The following PCDHA12 variants were observed in gnomAD, a reference collection of about 807,000 sequenced individuals.
PCDHA12 encodes protocadherin alpha-12.
In PCDHA12, 44 loss-of-function variants were observed where a neutral mutation model predicts 60.0. That is an observed-to-expected ratio of 0.73 (90% CI 0.58 to 0.94). PCDHA12 has a LOEUF of 0.94. Among genes scored for constraint, PCDHA12 ranks in the 40% least tolerant of loss-of-function variants. PCDHA12 has a pLI of 0.00. For missense variants in PCDHA12, 1,276 were observed against 1,239.7 expected, an observed-to-expected ratio of 1.03 and a Z score of -0.44; for synonymous variants, 569 against 553.0, an observed-to-expected ratio of 1.03 and a Z score of -0.40.
At chr5:140,892,980 G>T (rs568292110) in intron 1 of PCDHA12, among the ~76,000 whole-genome samples, 192 of 152,148 alleles carry the variant, frequency 1.3e-3, no homozygotes, top group African/African-American at 4.5e-3. Flanking sequence ...TGTAGCTGCC[G>T]TATAAGTGAG....
At chr5:140,986,583 T>C (rs1265983211) in intron 3 of PCDHA12, among the ~76,000 whole-genome samples, 1 of 152,170 alleles carries the variant, frequency 6.6e-6, no homozygotes, top group African/African-American at 2.4e-5. Flanking sequence ...TTTTTCCAGC[T>C]CCTCTTTCTA....
chr5:140,957,322 A>G (rs1356606026), intron 1 of PCDHA12, among the ~76,000 whole-genome samples: 4 of 152,202 alleles, frequency 2.6e-5, no homozygotes, highest in Admixed American at 2.0e-4. Context: ...AGGTGAGCAC[A>G]GTACAGTAAG....
intron 1 of PCDHA12, among the ~76,000 whole-genome samples, chr5:140,926,178 GC>G (rs1221259064): frequency 6.6e-6 from 1 of 151,700 alleles, no homozygotes; most frequent in South Asian, 2.2e-4. Flanking sequence ...AGCGCGGAAA[GC>G]CCCCCGCAGC....
intron 3 of PCDHA12, among the ~76,000 whole-genome samples, chr5:141,007,362 G>A (rs1554261189): frequency 6.8e-6 from 1 of 146,590 alleles, no homozygotes; most frequent in Non-Finnish European, 1.5e-5. Context: ...ACCAGCCTGG[G>A]CAACATGATG....
chr5:140,882,918 G>A (rs1554176085), intron 1 of PCDHA12: 1 of 1,614,186 alleles, frequency 6.2e-7, no homozygotes, highest in South Asian at 1.1e-5. Context: ...GCCAGTGATG[G>A]AGGTAAACCC....
At chr5:140,983,228 A>T (rs1012242202) in intron 3 of PCDHA12, among the ~76,000 whole-genome samples, 4 of 152,240 alleles carry the variant, frequency 2.6e-5, no homozygotes, top group Non-Finnish European at 4.4e-5. Context: ...CCAAACTTTC[A>T]GGAAAGAGAA....
chr5:141,001,286 A>G (rs1375093882), intron 3 of PCDHA12, among the ~76,000 whole-genome samples: 1 of 152,160 alleles, frequency 6.6e-6, no homozygotes, highest in Non-Finnish European at 1.5e-5. Context: ...TACGGATGAA[A>G]ACTGAGGCCC....
Position 141,012,065 on chromosome 5 carries a change from T to G in PCDHA12, c.*2128T>G, listed in dbSNP as rs2098422876. The G allele has an allele frequency of 6.5e-6, 1 of 153,794 alleles. No individual in the cohort carries two copies. Among genetic ancestry groups the G allele is most frequent in the Non-Finnish European group, 1.5e-5 (1 of 68,044 alleles). The allele number at this position is 153,794 out of a possible 1,614,324, so 9.5% of individuals were successfully genotyped here. A position where few individuals can be genotyped will look rare whatever the true frequency, so the allele number is the denominator to read the frequency against. ...GGGTAAAACTTGTTACCAACACATGTGAACCATTGCTACATTGTAGGTTGT... is the reference window on the plus strand; with the variant it reads ...GGGTAAAACTTGTTACCAACACATGGGAACCATTGCTACATTGTAGGTTGT... On this transcript the variant is annotated 3_prime_UTR_variant, in exon 4 of 4. Transcript: ENST00000398631.
At chr5:140,910,874 A>T (rs1285814930) in intron 1 of PCDHA12, among the ~76,000 whole-genome samples, 2 of 151,996 alleles carry the variant, frequency 1.3e-5, no homozygotes, top group African/African-American at 4.8e-5. Flanking sequence ...ATTATCCCAC[A>T]CCCTTAATAT....
At chr5:140,913,808 A>T (rs1332519291) in intron 1 of PCDHA12, among the ~76,000 whole-genome samples, 1 of 152,102 alleles carries the variant, frequency 6.6e-6, no homozygotes, top group Non-Finnish European at 1.5e-5. Context: ...TCAAATTTTC[A>T]ATTTCCTTTT....
intron 1 of PCDHA12, among the ~76,000 whole-genome samples, chr5:140,969,939 G>A (rs188120855): frequency 4.6e-5 from 7 of 152,340 alleles, no homozygotes; most frequent in Admixed American, 2.6e-4. Context: ...ACATCATACT[G>A]AAGCTAAAGT....
In PCDHA12 at chr5:141,010,350, G is replaced by A; in HGVS notation, c.*413G>A. The A allele has an allele frequency of 6.6e-7, 1 of 1,515,722 alleles. No individual in the cohort carries two copies. Among genetic ancestry groups the A allele is most frequent in the Non-Finnish European group, 8.8e-7 (1 of 1,132,152 alleles). The allele number at this position is 1,515,722 out of a possible 1,614,324, so 93.9% of individuals were successfully genotyped here. A position where few individuals can be genotyped will look rare whatever the true frequency, so the allele number is the denominator to read the frequency against. ...GGGAGTTTGTGGCCACTGGGTATGT[G>A]TGGCTACCGCGGGTATGCGAGTGCC... is the stretch of plus-strand genomic sequence containing the variant. On this transcript the variant is annotated 3_prime_UTR_variant, in exon 4 of 4. Transcript: ENST00000398631.
chr5:140,877,908 T>G (rs1554170220), intron 1 of PCDHA12, 69 bp downstream of exon 1: 2 of 1,433,428 alleles, frequency 1.4e-6, no homozygotes, highest in East Asian at 2.5e-5. Context: ...ATAACTACAT[T>G]CTCTCATTTT....
intron 3 of PCDHA12, among the ~76,000 whole-genome samples, chr5:141,007,925 G>T (rs2098351885): frequency 1.3e-5 from 2 of 152,138 alleles, no homozygotes; most frequent in South Asian, 4.2e-4. Context: ...ATATAAGCTG[G>T]AATTCTAAGC....
intron 1 of PCDHA12, among the ~76,000 whole-genome samples, chr5:140,914,914 G>A (rs2076876381): frequency 7.0e-6 from 1 of 143,682 alleles, no homozygotes; most frequent in African/African-American, 2.6e-5. Context: ...GTTTCTCTGT[G>A]TCTTATTGTA....
chr5:140,946,516 C>G (rs551838143), intron 1 of PCDHA12, among the ~76,000 whole-genome samples: 1 of 151,020 alleles, frequency 6.6e-6, no homozygotes, highest in Non-Finnish European at 1.5e-5. Context: ...AAGACCTATC[C>G]GCACTCCCAT....
chr5:140,902,846 A>C (rs1119032), intron 1 of PCDHA12, among the ~76,000 whole-genome samples: 2 of 152,088 alleles, frequency 1.3e-5, no homozygotes, highest in African/African-American at 2.4e-5. Context: ...CTTCACTTAG[A>C]AAAATGGCGT....
chr5:140,884,579 G>A (rs1035826331), intron 1 of PCDHA12: 5 of 1,614,058 alleles, frequency 3.1e-6, no homozygotes, highest in Admixed American at 1.7e-5. Flanking sequence ...GGACCTCATG[G>A]CCTTCAGTCC....
intron 1 of PCDHA12, among the ~76,000 whole-genome samples, chr5:140,958,710 A>G (rs1446140877): frequency 1.3e-5 from 2 of 152,210 alleles, no homozygotes; most frequent in Non-Finnish European, 2.9e-5. Flanking sequence ...CAACTCTGTT[A>G]TAATAAATGT....
Sources: gnomAD v4.1 joint callset for allele counts (sites outside exome capture counted in the v4.1 genomes callset) on GRCh38, gnomAD v4.1.1 for gene constraint, MANE v1.5 for transcripts, NCBI Gene and HGNC (gene_info 2026-07-23, HGNC 2026-07-21) for gene names.